NUP62: variants seen among roughly 807,000 people sequenced by gnomAD.
NUP62 encodes the protein nuclear pore glycoprotein p62.
For missense variants in NUP62, 647 were observed against 689.4 expected (o/e 0.94, Z 0.69); for synonymous variants, 305 against 303.4 (o/e 1.01, Z -0.05).
intron 1 of NUP62, chr19:49,928,810 G>C (rs2075979818): frequency 6.6e-6 from 1 of 152,332 alleles, no homozygotes; most frequent in East Asian, 1.9e-4. Flanking sequence ...AATTCTGCAA[G>C]CAAGGAAAGG....
intron 2 of NUP62, among the ~76,000 whole-genome samples, chr19:49,913,590 C>CTCTCTACCT (rs2075539852): frequency 6.6e-6 from 1 of 152,244 alleles, no homozygotes; most frequent in South Asian, 2.1e-4. Flanking sequence ...GAGCACTGTC[C>CTCTCTACCT]GCGGGACTCT....
Position 49,909,345 on chromosome 19 carries a change from A to G in NUP62, c.463T>C (p.Ser155Pro), listed in dbSNP as rs756259777. The change falls in exon 3 of 3, where the codon TCT becomes CCT. Residue 155 changes from serine (S) to proline (P), a missense_variant. By Grantham distance (74) the Ser-to-Pro change is moderately conservative. Coordinates refer to ENST00000352066, the MANE Select transcript of NUP62 (RefSeq NM_016553.5). ...CCACCAGTGAATGAGAAGCCTCCAG[A>G]TGTGGTAGCTGGAGCCACAGAGGTG... ...STTSVAPATT[S>P]GGFSFTGGST... 8.1e-6 allele frequency: 13 copies of G among 1,613,562 alleles called. No individual in the cohort carries two copies. The highest frequency in any genetic ancestry group is 1.1e-5 in the Non-Finnish European group (13 of 1,179,944).
intron 1 of NUP62, 190 bp downstream of exon 1, chr19:49,929,136 C>T (rs567987474): frequency 6.6e-6 from 1 of 152,436 alleles, no homozygotes; most frequent in South Asian, 2.1e-4. Context: ...GGGCGGGGCG[C>T]GGAAGGATCC....
chr19:49,908,679 G>A lies in NUP62; in HGVS notation c.1129C>T (p.Arg377Cys), dbSNP rs371358546. The A allele has an allele frequency of 2.1e-5, 34 of 1,611,922 alleles. No individual in the cohort carries two copies. The highest frequency in any genetic ancestry group is 1.6e-4 in the Middle Eastern group (1 of 6,062). The change falls in exon 3 of 3, where the codon CGC becomes TGC. Residue 377 changes from arginine to cysteine, a missense_variant. By Grantham distance (180) the Arg-to-Cys change is radical (BLOSUM62 -3). Coordinates refer to ENST00000352066, the MANE Select transcript of NUP62 (RefSeq NM_016553.5). ...ENGEKITSLH[R>C]EVEKVKLDQK... ...TCCAGCTTCACCTTCTCCACCTCGCGGTGCAGGCTGGTGATCTTTTCTCCA... is the reference window on the plus strand; with the variant it reads ...TCCAGCTTCACCTTCTCCACCTCGCAGTGCAGGCTGGTGATCTTTTCTCCA...
chr19:49,922,711 GA>G (rs879873471), intron 2 of NUP62, among the ~76,000 whole-genome samples: 3,585 of 144,214 alleles, frequency 0.025, 144 homozygotes, highest in African/African-American at 0.084. Context: ...GGATCTCACA[GA>G]AAAAAAAAAA....
At chr19:49,928,444 G>A (rs1405568608) in intron 1 of NUP62, 2 of 152,122 alleles carry the variant, frequency 1.3e-5, no homozygotes, top group South Asian at 2.1e-4. Context: ...GTGAACCTGG[G>A]AGGCGGAGTT....
intron 2 of NUP62, among the ~76,000 whole-genome samples, chr19:49,922,848 G>C (rs1300608827): frequency 3.3e-5 from 5 of 152,090 alleles, no homozygotes; most frequent in Non-Finnish European, 7.4e-5. Context: ...CTCTGGGCCT[G>C]ACACAGGGCC....
At chr19:49,918,043 A>C (rs1299481670) in intron 2 of NUP62, among the ~76,000 whole-genome samples, 2 of 149,946 alleles carry the variant, frequency 1.3e-5, no homozygotes, top group African/African-American at 4.9e-5. Flanking sequence ...ACAAACAAAA[A>C]CCCAAAGCCA....
At chr19:49,925,366 T>C (rs1041640451) in intron 2 of NUP62, among the ~76,000 whole-genome samples, 29 of 150,910 alleles carry the variant, frequency 1.9e-4, no homozygotes, top group African/African-American at 6.8e-4. Context: ...GGCAGGAGGA[T>C]CGTTTGAGCC....
intron 2 of NUP62, among the ~76,000 whole-genome samples, chr19:49,910,463 A>G (rs1431826314): frequency 6.6e-6 from 1 of 152,098 alleles, no homozygotes; most frequent in Non-Finnish European, 1.5e-5. Flanking sequence ...CTCCTAACTC[A>G]GGGGAGGGTC....
Position 49,906,957 on chromosome 19 carries a change from G to C in NUP62, c.*1282C>G, listed in dbSNP as rs1384297005. On this transcript the variant is annotated 3_prime_UTR_variant, in exon 3 of 3. Coordinates refer to ENST00000352066, the MANE Select transcript of NUP62 (RefSeq NM_016553.5). ...CGCTAGCTTCTGCCTTCCACACACA[G>C]TGGATTTTACTGTAACTGACTAGAG... is the stretch of plus-strand genomic sequence containing the variant. 2 of 152,858 alleles carry C rather than the reference G, an allele frequency of 1.3e-5. No homozygotes were observed. Among genetic ancestry groups the C allele is most frequent in the Admixed American group, 6.5e-5 (1 of 15,384 alleles). 9.5% of individuals were successfully genotyped at this position (152,858 alleles called of 1,614,324 possible).
chr19:49,915,824 T>G (rs1232614693), intron 2 of NUP62, among the ~76,000 whole-genome samples: 1 of 152,206 alleles, frequency 6.6e-6, no homozygotes, highest in Non-Finnish European at 1.5e-5. Flanking sequence ...TGTGGATGTG[T>G]GTGGGTGGAT....
At chr19:49,923,363 T>C (rs1255015609) in intron 2 of NUP62, among the ~76,000 whole-genome samples, 2 of 152,110 alleles carry the variant, frequency 1.3e-5, no homozygotes, top group Non-Finnish European at 2.9e-5. Flanking sequence ...AGCAACTCAT[T>C]AGAAAATGTA....
intron 2 of NUP62, among the ~76,000 whole-genome samples, chr19:49,915,662 CA>C (rs537485173): frequency 5.9e-4 from 90 of 152,346 alleles, no homozygotes; most frequent in Non-Finnish European, 1.2e-3. Flanking sequence ...GATGGGAATA[CA>C]CAGAGCAGAG....
At chr19:49,919,765 G>A (rs894053328) in intron 2 of NUP62, among the ~76,000 whole-genome samples, 2 of 151,120 alleles carry the variant, frequency 1.3e-5, no homozygotes, top group Non-Finnish European at 2.9e-5. Flanking sequence ...GCCAGAGAGA[G>A]ATTTTAAGGA....
chr19:49,928,081 G>A (rs1187830698), intron 1 of NUP62: 1 of 152,328 alleles, frequency 6.6e-6, no homozygotes, highest in Non-Finnish European at 1.5e-5. Context: ...CATTTGGAAT[G>A]GAAGATGAGG....
chr19:49,913,724 T>C (rs1427786640), intron 2 of NUP62, among the ~76,000 whole-genome samples: 2 of 152,150 alleles, frequency 1.3e-5, no homozygotes, highest in African/African-American at 2.4e-5. Context: ...TGACTGTGAG[T>C]AGAAAGCTTT....
intron 2 of NUP62, chr19:49,912,998 C>G (rs953399945): frequency 1.5e-5 from 2 of 131,424 alleles, no homozygotes; most frequent in African/African-American, 5.3e-5. Flanking sequence ...CTCAAGGCAG[C>G]CAGAGTCAAA....
intron 2 of NUP62, chr19:49,911,442 AG>A (rs2122623774): frequency 6.6e-6 from 1 of 152,284 alleles, no homozygotes; most frequent in South Asian, 2.1e-4. Flanking sequence ...AACACCCACG[AG>A]GTCTGTTTCC....
Sources: gnomAD v4.1 joint callset for allele counts (sites outside exome capture counted in the v4.1 genomes callset) on GRCh38, gnomAD v4.1.1 for gene constraint, MANE v1.5 for transcripts, NCBI Gene and HGNC (gene_info 2026-07-23, HGNC 2026-07-21) for gene names.